The following USP9Y variants were observed in gnomAD, a reference collection of about 807,000 sequenced individuals.
USP9Y encodes the protein ubiquitin specific peptidase 9 Y-linked.
USP9Y carries 41 observed loss-of-function variants against 53.1 expected under a neutral mutation model. That is an observed-to-expected ratio of 0.77 (90% CI 0.60 to 1.00). The LOEUF is 1.00. Among genes scored for constraint, USP9Y ranks in the 50% least tolerant of loss-of-function variants. The pLI, the probability that USP9Y is intolerant of heterozygous loss-of-function variation, is 0.00. For missense variants in USP9Y, 567 were observed against 535.8 expected, an observed-to-expected ratio of 1.06 and a Z score of -0.58; for synonymous variants, 220 against 173.7, an observed-to-expected ratio of 1.27 and a Z score of -2.09.
intron 24 of USP9Y, among the ~76,000 whole-genome samples, chrY:12,787,514 A>G: frequency 3.0e-5 from 1 of 33,538 alleles, no homozygotes; most frequent in African/African-American, 1.2e-4. Context: ...GTTTGCTTCA[A>G]AATAATTCTG....
intron 7 of USP9Y, among the ~76,000 whole-genome samples, chrY:12,729,523 C>A: frequency 6.2e-5 from 2 of 32,505 alleles, no homozygotes; most frequent in Non-Finnish European, 1.5e-4. Flanking sequence ...TCACTGCAAC[C>A]TCCACCTCCT....
chrY:12,827,527 G>A, intron 33 of USP9Y, among the ~76,000 whole-genome samples: 2 of 33,285 alleles, frequency 6.0e-5, no homozygotes, highest in Non-Finnish European at 1.5e-4. Context: ...ACAAATAGGT[G>A]GACCTGACCT....
chrY:12,805,891 G>A, intron 27 of USP9Y, among the ~76,000 whole-genome samples: 1 of 33,342 alleles, frequency 3.0e-5, no homozygotes, highest in South Asian at 6.7e-4. Context: ...TACACCTAAA[G>A]TGAGACTTGC....
chrY:12,794,854 A>G (rs376322155), intron 27 of USP9Y, among the ~76,000 whole-genome samples: 4 of 33,644 alleles, frequency 1.2e-4, no homozygotes, highest in Non-Finnish European at 2.9e-4. Context: ...TGATTAGTAC[A>G]TCAGGGAATA....
At chrY:12,738,761 T>G (rs2053454374) in intron 11 of USP9Y, among the ~76,000 whole-genome samples, 1 of 33,207 alleles carries the variant, frequency 3.0e-5, no homozygotes, top group African/African-American at 1.2e-4. Context: ...AGGATGGTCT[T>G]GATCTCCTGA....
chrY:12,808,507 T>A (rs2148288665), intron 27 of USP9Y, among the ~76,000 whole-genome samples: 4 of 33,510 alleles, frequency 1.2e-4, no homozygotes, highest in African/African-American at 4.7e-4. Context: ...TTATCTCTCT[T>A]GGCTCAGTGT....
chrY:12,794,085 GC>G (rs2053511004), intron 27 of USP9Y, among the ~76,000 whole-genome samples: 3 of 33,103 alleles, frequency 9.1e-5, no homozygotes, highest in Non-Finnish European at 1.5e-4. Context: ...TTTAACATTG[GC>G]TTCACCACTT....
Position 12,847,145 on chromosome Y carries a change from C to T in USP9Y, c.6967C>T (p.Leu2323Phe). 1 of 395,481 alleles carries T rather than the reference C, an allele frequency of 2.5e-6. No individual in the cohort carries two copies. Among genetic ancestry groups the T allele is most frequent in the South Asian group, 3.0e-5 (1 of 33,570 alleles). The change falls in exon 41 of 46, where the codon CTC becomes TTC. Residue 2323 changes from leucine to phenylalanine, a missense_variant. By Grantham distance (22) the Leu-to-Phe change is conservative (BLOSUM62 0). Coordinates refer to ENST00000338981, the MANE Select transcript of USP9Y (RefSeq NM_004654.4). Reference sequence around the variant, plus strand: ...CTCATCTACTGTCCTCAGCGAACTTCTCTGGCAGGTGAAAGAAAAATAAAC... The same window carrying T: ...CTCATCTACTGTCCTCAGCGAACTTTTCTGGCAGGTGAAAGAAAAATAAAC... ...QFSSTVLSEL[L>F]WQVAYSYTYE...
intron 1 of USP9Y, among the ~76,000 whole-genome samples, chrY:12,702,960 A>C: frequency 9.0e-5 from 3 of 33,375 alleles, no homozygotes; most frequent in Admixed American, 8.0e-4. Context: ...TCTCCATACT[A>C]AGTTGAATTA....
intron 12 of USP9Y, among the ~76,000 whole-genome samples, chrY:12,742,533 G>C: frequency 3.0e-5 from 1 of 32,908 alleles, no homozygotes; most frequent in Non-Finnish European, 7.5e-5. Flanking sequence ...GTGCAGATTG[G>C]TGCATTTGCA....
chrY:12,843,477 T>C, intron 39 of USP9Y, among the ~76,000 whole-genome samples: 1 of 32,952 alleles, frequency 3.0e-5, no homozygotes, highest in Non-Finnish European at 7.5e-5. Flanking sequence ...AATACTGGCT[T>C]CCTGGTCATA....
intron 33 of USP9Y, among the ~76,000 whole-genome samples, chrY:12,820,677 A>G (rs2053540822): frequency 6.0e-5 from 2 of 33,183 alleles, no homozygotes; most frequent in East Asian, 1.5e-3. Flanking sequence ...TCTGCAATCT[A>G]GTCAACAATT....
intron 5 of USP9Y, 83 bp from the exon 6 acceptor site, chrY:12,725,030 A>G: frequency 2.3e-5 from 5 of 220,613 alleles, no homozygotes; most frequent in Non-Finnish European, 4.0e-5. Flanking sequence ...GGAGACCATA[A>G]TAGTTTCTAG....
intron 42 of USP9Y, among the ~76,000 whole-genome samples, chrY:12,853,186 G>A: frequency 5.9e-5 from 2 of 33,888 alleles, no homozygotes; most frequent in Admixed American, 2.6e-4. Context: ...TGCGGTGGGC[G>A]GAAGCAGTTC....
intron 27 of USP9Y, among the ~76,000 whole-genome samples, chrY:12,807,684 C>T (rs2053526116): frequency 3.2e-5 from 1 of 31,510 alleles, no homozygotes. Context: ...TTTTTATAGT[C>T]TTTGTGTATA....
At chrY:12,715,886 T>C (rs1016541125) in intron 3 of USP9Y, among the ~76,000 whole-genome samples, 3 of 33,980 alleles carry the variant, frequency 8.8e-5, no homozygotes, top group East Asian at 1.5e-3. Flanking sequence ...TTAATGCCTC[T>C]TTTATTTTTA....
At chrY:12,846,886 T>A (rs745464756) in intron 40 of USP9Y, 47 bp from the exon 41 acceptor site, 1 of 279,369 alleles carries the variant, frequency 3.6e-6, no homozygotes, top group Admixed American at 7.7e-5. Flanking sequence ...TATTATAATT[T>A]TGTGAGGAAT....
intron 12 of USP9Y, among the ~76,000 whole-genome samples, chrY:12,756,251 C>G (rs1015599260): frequency 3.0e-4 from 10 of 33,197 alleles, no homozygotes; most frequent in South Asian, 2.7e-3. Context: ...AGGGTTTTCA[C>G]TCAACTTTTT....
At chrY:12,732,490 G>A in intron 7 of USP9Y, among the ~76,000 whole-genome samples, 3 of 32,984 alleles carry the variant, frequency 9.1e-5, no homozygotes, top group Non-Finnish European at 1.5e-4. Context: ...CTACAGACAC[G>A]CACAACCATG....
Sources: gnomAD v4.1 joint callset for allele counts (sites outside exome capture counted in the v4.1 genomes callset) on GRCh38, gnomAD v4.1.1 for gene constraint, MANE v1.5 for transcripts, NCBI Gene and HGNC (gene_info 2026-07-23, HGNC 2026-07-21) for gene names.